AGO2: variants seen among roughly 807,000 people sequenced by gnomAD.
The protein encoded by AGO2 is protein argonaute-2.
A neutral mutation model predicts 102.3 loss-of-function variants in AGO2; 5 were observed. That is an observed-to-expected ratio of 0.05 (90% confidence interval 0.03 to 0.10). The LOEUF is 0.10. AGO2 is among the 10% of genes least tolerant of loss of function. AGO2 has a pLI of 1.00. For synonymous variants in AGO2, 449 were observed against 473.1 expected, an observed-to-expected ratio of 0.95 and a Z score of 0.66; for missense variants, 541 against 1,183.7, an observed-to-expected ratio of 0.46 and a Z score of 7.97.
chr8:140,613,052 T>C (rs2074100495), intron 1 of AGO2, among the ~76,000 whole-genome samples: 1 of 151,816 alleles, frequency 6.6e-6, no homozygotes, highest in South Asian at 2.1e-4. Context: ...ACAAAATAAT[T>C]AGCCAGGTGT....
rs541743367 is a variant in AGO2 at position 140,523,608 on chromosome 8, C to T, written c.*8436G>A. 1 of 152,248 alleles carries T rather than the reference C, an allele frequency of 6.6e-6. No individual in the cohort carries two copies. Among genetic ancestry groups the T allele is most frequent in the South Asian group, 2.1e-4 (1 of 4,820 alleles). 9.4% of individuals were successfully genotyped at this position (152,248 alleles called of 1,614,324 possible). A position where few individuals can be genotyped will look rare whatever the true frequency, so the allele number is the denominator to read the frequency against. On this transcript the variant is annotated 3_prime_UTR_variant, in exon 19 of 19. Transcript: ENST00000220592. ...AAACTTTTTAAAAAATAAAAACTTG[C>T]TTGCCTCTACAGTTATAAAACATGA...
At chr8:140,604,156 C>T (rs983662383) in intron 1 of AGO2, among the ~76,000 whole-genome samples, 4 of 152,200 alleles carry the variant, frequency 2.6e-5, no homozygotes, top group South Asian at 2.1e-4. Context: ...GACCTTGAGG[C>T]GCACCAGGGA....
At chr8:140,621,807 C>T (rs929170537) in intron 1 of AGO2, among the ~76,000 whole-genome samples, 4 of 152,022 alleles carry the variant, frequency 2.6e-5, no homozygotes, top group African/African-American at 7.3e-5. Context: ...TTGATGAGGA[C>T]GCGGAGAAAC....
At chr8:140,566,874 C>G (rs1448684257) in intron 3 of AGO2, among the ~76,000 whole-genome samples, 2 of 152,212 alleles carry the variant, frequency 1.3e-5, no homozygotes, top group Admixed American at 6.5e-5. Context: ...GTGCCATTCC[C>G]CTTGTCCAGA....
intron 1 of AGO2, among the ~76,000 whole-genome samples, chr8:140,604,487 T>C (rs1043164803): frequency 6.6e-6 from 1 of 151,460 alleles, no homozygotes; most frequent in African/African-American, 2.4e-5. Context: ...GGTCAGGAGT[T>C]CAAGACCAGC....
rs1420315522 is a variant in AGO2, at chr8:140,557,980, CCT to C, written c.878+503_878+504del. 6.6e-6 allele frequency among the ~76,000 whole-genome samples: 1 copy of C among 152,224 alleles called. No homozygotes were observed. Among genetic ancestry groups the C allele is most frequent in the Admixed American group, 6.5e-5 (1 of 15,288 alleles). ...CCATGAAATAAACGAACCCTACCGG[CCT>C]GGGAGACATTAACTGGGGCACAGGG... On this transcript the variant is annotated intron_variant, in intron 7 of 18. Transcript: ENST00000220592. This position sits in a 1 kb window ranked among gnomAD's most constrained non-coding sequence, Gnocchi z 5.9.
At chr8:140,620,421 A>C (rs1234329804) in intron 1 of AGO2, among the ~76,000 whole-genome samples, 2 of 152,258 alleles carry the variant, frequency 1.3e-5, no homozygotes, top group African/African-American at 4.8e-5. Context: ...TGGTAAGAGA[A>C]TATTTATGAA....
At chr8:140,546,144 C>G (rs576307504) in intron 13 of AGO2, among the ~76,000 whole-genome samples, 6 of 152,344 alleles carry the variant, frequency 3.9e-5, no homozygotes, top group African/African-American at 1.4e-4. Flanking sequence ...TCCCAGCCAG[C>G]TCTGGATTGG....
chr8:140,589,200 T>C lies in AGO2; in HGVS notation c.23-3889A>G, dbSNP rs1047698653. Among the ~76,000 whole-genome samples the C allele has an allele frequency of 1.3e-5, 2 of 151,990 alleles. No individual in the cohort carries two copies. The highest frequency in any genetic ancestry group is 2.4e-5 in the African/African-American group (1 of 41,378). ...GGGCCATCTAAGTAAGGGACAGGGA[T>C]GGGGGAAAGTTGGTGCATGAAGAAT... On this transcript the variant is annotated intron_variant, in intron 1 of 18. Coordinates refer to ENST00000220592, the MANE Select transcript of AGO2 (RefSeq NM_012154.5). This position sits in a 1 kb window ranked among gnomAD's most constrained non-coding sequence, Gnocchi z 4.2.
At chr8:140,606,868 C>T (rs571676055) in intron 1 of AGO2, among the ~76,000 whole-genome samples, 2 of 148,318 alleles carry the variant, frequency 1.3e-5, no homozygotes, top group Non-Finnish European at 3.0e-5. Flanking sequence ...ACCTGGGAGA[C>T]GGAGGTTGTG....
intron 1 of AGO2, among the ~76,000 whole-genome samples, chr8:140,633,241 G>A (rs1035016133): frequency 4.6e-5 from 7 of 152,138 alleles, no homozygotes; most frequent in Admixed American, 3.3e-4. Flanking sequence ...ATTAAAAAGA[G>A]TCTCAATGAA....
intron 10 of AGO2, chr8:140,555,662 T>G: frequency 1.8e-6 from 1 of 557,352 alleles, no homozygotes; most frequent in Non-Finnish European, 3.0e-6. Context: ...TTTCATGGGA[T>G]AATAAAAATT....
intron 11 of AGO2, among the ~76,000 whole-genome samples, chr8:140,550,027 A>G (rs1196896334): frequency 2.0e-5 from 3 of 152,208 alleles, no homozygotes; most frequent in Non-Finnish European, 4.4e-5. Flanking sequence ...GTCCACCCAT[A>G]TCTTCAGCTC....
intron 16 of AGO2, 77 bp from the exon 17 acceptor site, chr8:140,535,646 G>T: frequency 7.1e-7 from 1 of 1,401,588 alleles, no homozygotes; most frequent in African/African-American, 1.4e-5. Context: ...CAGCCGCGCC[G>T]CCCGCTGGCC....
At chr8:140,608,111 A>C (rs1429542597) in intron 1 of AGO2, among the ~76,000 whole-genome samples, 1 of 152,160 alleles carries the variant, frequency 6.6e-6, no homozygotes, top group Non-Finnish European at 1.5e-5. Flanking sequence ...GCCACTCCTA[A>C]ACACAGAGTG....
At chr8:140,570,275 G>C (rs1011464569) in intron 3 of AGO2, among the ~76,000 whole-genome samples, 1 of 152,218 alleles carries the variant, frequency 6.6e-6, no homozygotes, top group Non-Finnish European at 1.5e-5. Flanking sequence ...CCCAAGGCTG[G>C]AGTGCAATGG....
Position 140,619,726 on chromosome 8 carries a change from T to C in AGO2, c.22+15759A>G, listed in dbSNP as rs1275103850. Among the ~76,000 whole-genome samples, 5 of 152,142 alleles carry C rather than the reference T, an allele frequency of 3.3e-5. No individual in the cohort carries two copies. The East Asian group carries it at 9.6e-4, about 29-fold the overall frequency. Reference sequence around the variant, plus strand: ...TGCGGGCCGGCAACTCTCCACACTCTACAGGCACGCTAGGTTTCAACGAAT... The same window carrying C: ...TGCGGGCCGGCAACTCTCCACACTCCACAGGCACGCTAGGTTTCAACGAAT... On this transcript the variant is annotated intron_variant, in intron 1 of 18. Coordinates refer to ENST00000220592, the MANE Select transcript of AGO2 (RefSeq NM_012154.5).
chr8:140,610,296 C>T (rs578166008), intron 1 of AGO2, among the ~76,000 whole-genome samples: 5 of 152,266 alleles, frequency 3.3e-5, no homozygotes, highest in African/African-American at 1.2e-4. Context: ...TCTTGGCTCA[C>T]TGCAACCTCT....
chr8:140,638,599 C>G (rs1357977528), upstream of AGO2, among the ~76,000 whole-genome samples: 3 of 152,210 alleles, frequency 2.0e-5, no homozygotes, highest in African/African-American at 7.2e-5. Flanking sequence ...GTAATATATA[C>G]TTTGAGACAG....
Sources: gnomAD v4.1 joint callset for allele counts (sites outside exome capture counted in the v4.1 genomes callset) on GRCh38, gnomAD v4.1.1 for gene constraint, Gnocchi (gnomAD v3.1) non-coding constraint, MANE v1.5 for transcripts, NCBI Gene and HGNC (gene_info 2026-07-23, HGNC 2026-07-21) for gene names.